The following EP300 variants were observed in gnomAD, a reference collection of about 807,000 sequenced individuals.
EP300 encodes the protein EP300 lysine acetyltransferase, also known as histone acetyltransferase p300.
A neutral mutation model predicts 264.0 loss-of-function variants in EP300; 31 were observed. The ratio of observed to expected loss-of-function variants is 0.12; its 90% confidence interval spans 0.09 to 0.16. The LOEUF (loss-of-function observed/expected upper bound fraction) is 0.16. EP300 is among the 10% of genes least tolerant of loss of function. The pLI, the probability that EP300 is intolerant of heterozygous loss-of-function variation, is 1.00. For synonymous variants in EP300, 1,340 were observed against 1,045.4 expected (o/e 1.28, Z -5.44); for missense variants, 2,766 against 3,052.9 (o/e 0.91, Z 2.21).
In EP300 at chr22:41,177,244, C is replaced by G; in HGVS notation, c.5533C>G (p.Gln1845Glu). 6.2e-7 allele frequency: 1 copy of G among 1,614,138 alleles called. No homozygotes were observed. The highest frequency in any genetic ancestry group is 8.5e-7 in the Non-Finnish European group (1 of 1,180,020). Residue 1845 changes from glutamine to glutamate, a missense_variant, in exon 31 of 31, where the codon CAG (glutamine) becomes GAG (glutamate). Coordinates refer to ENST00000263253, the MANE Select transcript of EP300 (RefSeq NM_001429.4). ...MQRTGVVGQQ[Q>E]GLPSPTPATP... is the part of the protein sequence containing the mutation. ...GCGGACTGGTGTGGTTGGGCAGCAA[C>G]AGGGCCTCCCTTCCCCCACTCCTGC...
chr22:41,142,203 T>G (rs1021687293), intron 10 of EP300, among the ~76,000 whole-genome samples: 3 of 152,172 alleles, frequency 2.0e-5, no homozygotes, highest in African/African-American at 7.2e-5. Flanking sequence ...AAAACCTGCA[T>G]TTACTGAGTT....
At chr22:41,149,473 A>G (rs2059030637) in intron 13 of EP300, among the ~76,000 whole-genome samples, 1 of 152,194 alleles carries the variant, frequency 6.6e-6, no homozygotes, top group Non-Finnish European at 1.5e-5. Flanking sequence ...TCTGGCTGAA[A>G]AGAGCATAGG....
At chr22:41,119,812 T>C (rs1235586511) in intron 2 of EP300, among the ~76,000 whole-genome samples, 1 of 152,166 alleles carries the variant, frequency 6.6e-6, no homozygotes, top group African/African-American at 2.4e-5. Flanking sequence ...CGATATTTTA[T>C]TTCCTTATTT....
chr22:41,143,099 ATC>A (rs2058992153), intron 10 of EP300, among the ~76,000 whole-genome samples: 1 of 152,272 alleles, frequency 6.6e-6, no homozygotes, highest in Admixed American at 6.5e-5. Flanking sequence ...CTCGTACTAA[ATC>A]TGACATTTTG....
intron 14 of EP300, among the ~76,000 whole-genome samples, 165 bp downstream of exon 14, chr22:41,150,363 C>T (rs2059037086): frequency 6.6e-6 from 1 of 152,058 alleles, no homozygotes. Flanking sequence ...TTTTGCCTTC[C>T]TGTGATAGTA....
intron 6 of EP300, among the ~76,000 whole-genome samples, chr22:41,132,893 A>C (rs561091863): frequency 4.1e-4 from 63 of 152,292 alleles, no homozygotes; most frequent in African/African-American, 1.5e-3. Flanking sequence ...GAATTGTTCT[A>C]ATATCTTAAT....
intron 27 of EP300, among the ~76,000 whole-genome samples, chr22:41,171,171 A>G (rs2059168709): frequency 6.7e-6 from 1 of 150,238 alleles, no homozygotes; most frequent in African/African-American, 2.5e-5. Flanking sequence ...GAGGGTGGGG[A>G]TAGAGTTGGG....
chr22:41,110,715 T>C (rs934505110), intron 1 of EP300, among the ~76,000 whole-genome samples: 1 of 151,496 alleles, frequency 6.6e-6, no homozygotes, highest in African/African-American at 2.4e-5. Context: ...CTTTTCCTTT[T>C]TATTTTTTCA....
At chr22:41,170,624 A>C in intron 27 of EP300, 53 bp downstream of exon 27, 1 of 1,289,668 alleles carries the variant, frequency 7.8e-7, no homozygotes, top group Non-Finnish European at 1.1e-6. Context: ...AAATGCACTA[A>C]TGTTGCTGCT....
chr22:41,155,121 T>G lies in EP300; in HGVS notation c.3261+8T>G, dbSNP rs756407848. On this transcript the variant is annotated splice_region_variant and intron_variant, in intron 17 of 30. Transcript: ENST00000263253. Reference sequence around the variant, plus strand: ...CAGCTTTTAGGAATCCCTGTAAGTATTTGGTGGTACTTTTGATTTTATTTT... The same window carrying G: ...CAGCTTTTAGGAATCCCTGTAAGTAGTTGGTGGTACTTTTGATTTTATTTT... The G allele has an allele frequency of 3.8e-6, 6 of 1,564,224 alleles. No individual in the cohort carries two copies. Among genetic ancestry groups the G allele is most frequent in the Non-Finnish European group, 5.3e-6 (6 of 1,134,682 alleles).
At chr22:41,137,435 T>C (rs2058958058) in intron 7 of EP300, among the ~76,000 whole-genome samples, 1 of 148,378 alleles carries the variant, frequency 6.7e-6, no homozygotes, top group Non-Finnish European at 1.5e-5. Context: ...TAGGACATCA[T>C]CCTGCCCTCC....
rs2058679483 is a variant in EP300 at position 41,092,740 on chromosome 22, G to A, written c.-265G>A. On this transcript the variant is annotated 5_prime_UTR_variant, in exon 1 of 31. Transcript: ENST00000263253. ...CTCGGGAATTCGCCGCAGCGGACGC[G>A]CTCGGCGAATTTGTGCTCTTGTGCC... 3 of 608,418 alleles carry A rather than the reference G, an allele frequency of 4.9e-6. No individual in the cohort carries two copies. Among genetic ancestry groups the A allele is most frequent in the African/African-American group, 1.9e-5 (1 of 53,648 alleles). The allele number at this position is 608,418 out of a possible 1,614,324, so 37.7% of individuals were successfully genotyped here. A position where few individuals can be genotyped will look rare whatever the true frequency, so the allele number is the denominator to read the frequency against.
chr22:41,163,221 G>C (rs944629946), intron 21 of EP300, among the ~76,000 whole-genome samples: 3 of 144,960 alleles, frequency 2.1e-5, no homozygotes, highest in African/African-American at 7.7e-5. Flanking sequence ...AGATCACGAG[G>C]TCAGGAGATC....
At position 41,096,073 on chromosome 22, in the gene EP300, A is replaced by G. The variant is rs143407910; in HGVS notation, c.94+2975A>G. 2.0e-5 allele frequency among the ~76,000 whole-genome samples: 3 copies of G among 152,196 alleles called. No individual in the cohort carries two copies. The East Asian group carries it at 5.8e-4, about 29-fold the overall frequency. Reference sequence around the variant, plus strand: ...TTTATGTTCCTGTTTCAGTATTTGCATTTGATCCATTGAAATTTTTATTTC... The same window carrying G: ...TTTATGTTCCTGTTTCAGTATTTGCGTTTGATCCATTGAAATTTTTATTTC... On this transcript the variant is annotated intron_variant, in intron 1 of 30. Transcript: ENST00000263253.
At chr22:41,124,891 A>G (rs1046554354) in intron 2 of EP300, among the ~76,000 whole-genome samples, 7 of 152,132 alleles carry the variant, frequency 4.6e-5, no homozygotes, top group African/African-American at 1.7e-4. Flanking sequence ...TTTTGATCTT[A>G]ATCTTGAAAA....
chr22:41,150,124 C>T lies in EP300; in HGVS notation c.2743C>T (p.Arg915Cys), dbSNP rs377517076. Reference sequence around the variant, plus strand: ...TGCTGACCAGCCCCAGCAGCAGCCTCGCTCACAGCAGAGCACAGCAGCGTC... The same window carrying T: ...TGCTGACCAGCCCCAGCAGCAGCCTTGCTCACAGCAGAGCACAGCAGCGTC... ...PSADQPQQQP[R>C]SQQSTAASVP... The change falls in exon 14 of 31, where the codon CGC becomes TGC. Residue 915 changes from arginine to cysteine, a missense_variant. Arg to Cys is a radical substitution (Grantham distance 180). Transcript: ENST00000263253. 26 of 1,612,966 alleles carry T rather than the reference C, an allele frequency of 1.6e-5. No individual in the cohort carries two copies. The highest frequency in any genetic ancestry group is 7.7e-5 in the South Asian group (7 of 91,086).
At chr22:41,098,993 C>T (rs145618517) in intron 1 of EP300, among the ~76,000 whole-genome samples, 169 of 152,254 alleles carry the variant, frequency 1.1e-3, no homozygotes, top group African/African-American at 4.0e-3. Context: ...AGTATGTGTT[C>T]ATTGTTAACT....
chr22:41,116,525 C>T (rs2058822368), intron 1 of EP300, among the ~76,000 whole-genome samples: 1 of 152,166 alleles, frequency 6.6e-6, no homozygotes. Flanking sequence ...CTTGTCCCTG[C>T]AAAGGACATG....
chr22:41,122,157 CTTTTTTTTTT>C (rs71328774), intron 2 of EP300, among the ~76,000 whole-genome samples: 3 of 35,854 alleles, frequency 8.4e-5, no homozygotes, highest in Non-Finnish European at 1.3e-4. Context: ...TCTTCTTCTT[CTTTTTTTTTT>C]TTTTTTTTTT....
Sources: allele counts gnomAD v4.1 joint callset (sites outside exome capture counted in the v4.1 genomes callset), GRCh38; gene constraint gnomAD v4.1.1; transcripts MANE v1.5; gene names NCBI Gene and HGNC (gene_info 2026-07-23, HGNC 2026-07-21).